The following SND1 variants were observed in gnomAD, a reference collection of about 807,000 sequenced individuals.
SND1 encodes the protein staphylococcal nuclease domain-containing protein 1.
Under a neutral mutation model 121.7 loss-of-function variants are expected in SND1, and 38 were observed. The ratio of observed to expected loss-of-function variants is 0.31; its 90% CI spans 0.24 to 0.41. The LOEUF (loss-of-function observed/expected upper bound fraction) is 0.41, where lower values mean the gene tolerates loss of function less well. SND1 is among the 10% of genes least tolerant of loss of function. The probability of loss-of-function intolerance (pLI) is 1.00; values close to 1 mark genes in which losing one functional copy is unlikely to be tolerated. For synonymous variants in SND1, 401 were observed against 447.4 expected (o/e 0.90, Z 1.31); for missense variants, 868 against 1,184.6 (o/e 0.73, Z 3.92).
At chr7:128,080,070 G>A (rs1043723925) in intron 17 of SND1, among the ~76,000 whole-genome samples, 6 of 152,234 alleles carry the variant, frequency 3.9e-5, no homozygotes, top group Non-Finnish European at 4.4e-5. Context: ...GTTGTTGTAA[G>A]GACTAAATGA....
Position 127,729,144 on chromosome 7 carries a change from T to C in SND1, c.1152+7744T>C, listed in dbSNP as rs909638342. Among the ~76,000 whole-genome samples the C allele has an allele frequency of 3.3e-5, 5 of 152,310 alleles. No homozygotes were observed. The South Asian group carries it at 1.0e-3, about 32-fold the overall frequency. ...GGGTTAATTTCAGGATTTTAAGTGCTTTTGAAGATTGGTCCCCAATTGACT... is the reference window on the plus strand; with the variant it reads ...GGGTTAATTTCAGGATTTTAAGTGCCTTTGAAGATTGGTCCCCAATTGACT... On this transcript the variant is annotated intron_variant, in intron 10 of 23. Transcript: ENST00000354725.
chr7:128,091,511 A>G (rs1219566623), intron 22 of SND1, among the ~76,000 whole-genome samples: 1 of 151,964 alleles, frequency 6.6e-6, no homozygotes, highest in Non-Finnish European at 1.5e-5. Flanking sequence ...CACCTGGCCT[A>G]GGTTGTAATT....
chr7:127,875,515 G>T (rs1455200446), intron 12 of SND1, among the ~76,000 whole-genome samples: 2 of 152,258 alleles, frequency 1.3e-5, no homozygotes, highest in East Asian at 3.9e-4. Context: ...GTAGATTGTA[G>T]AATACCTTTA....
intron 10 of SND1, among the ~76,000 whole-genome samples, chr7:127,735,179 T>A (rs1336807418): frequency 1.3e-5 from 2 of 152,072 alleles, no homozygotes; most frequent in Admixed American, 6.6e-5. Flanking sequence ...GGAACCAGGA[T>A]TCGAATTGCC....
Position 127,761,024 on chromosome 7 carries a change from G to C in SND1, c.1152+39624G>C, listed in dbSNP as rs1224803784. On this transcript the variant is annotated intron_variant, in intron 10 of 23. Coordinates refer to ENST00000354725, the MANE Select transcript of SND1 (RefSeq NM_014390.4). ...AGATTTCAGAAATAGATTTCAAGTG[G>C]TATATTGCTCTCCATATATACCTTA... is the stretch of plus-strand genomic sequence containing the variant. 2.0e-5 allele frequency among the ~76,000 whole-genome samples: 3 copies of C among 152,180 alleles called. No individual in the cohort carries two copies. The East Asian group carries it at 5.8e-4, about 29-fold the overall frequency.
At chr7:127,675,710 A>T (rs778340290) in intron 1 of SND1, among the ~76,000 whole-genome samples, 1 of 152,056 alleles carries the variant, frequency 6.6e-6, no homozygotes, top group Non-Finnish European at 1.5e-5. Flanking sequence ...TATGTCCTGG[A>T]GTCAGTTAAT....
intron 16 of SND1, among the ~76,000 whole-genome samples, chr7:128,020,749 G>A (rs181296048): frequency 1.3e-5 from 2 of 152,190 alleles, no homozygotes; most frequent in Admixed American, 1.3e-4. Flanking sequence ...TAAGGAAAGG[G>A]AAAGCCTCCA....
At chr7:127,830,256 G>A (rs540952541) in intron 11 of SND1, among the ~76,000 whole-genome samples, 15 of 152,130 alleles carry the variant, frequency 9.9e-5, no homozygotes, top group Admixed American at 2.6e-4. Flanking sequence ...GGTGGTGGGC[G>A]CCTGTAGTCC....
intron 16 of SND1, chr7:128,031,736 G>T (rs1354175733): frequency 3.5e-5 from 5 of 144,156 alleles, no homozygotes; most frequent in Non-Finnish European, 6.1e-5. Context: ...CGCGGGTCCG[G>T]CGGCGGCGGC....
intron 10 of SND1, among the ~76,000 whole-genome samples, chr7:127,740,974 G>A (rs1796871716): frequency 6.6e-6 from 1 of 152,174 alleles, no homozygotes; most frequent in Non-Finnish European, 1.5e-5. Flanking sequence ...TAATAAAGAT[G>A]TCATAGCCAC....
intron 16 of SND1, chr7:128,028,174 T>G (rs981755190): frequency 6.5e-6 from 1 of 153,066 alleles, no homozygotes; most frequent in Non-Finnish European, 1.5e-5. Context: ...TACAAATTCA[T>G]GGTGCTTTTT....
At chr7:127,677,326 T>A (rs1795633494) in intron 1 of SND1, among the ~76,000 whole-genome samples, 1 of 152,242 alleles carries the variant, frequency 6.6e-6, no homozygotes. Context: ...AAATGGAGGC[T>A]AATGGAGCCA....
At position 128,081,455 on chromosome 7, in the gene SND1, T is replaced by C. The variant is rs322825; in HGVS notation, c.2064T>C (p.Thr688=). 0.65 allele frequency: 1,053,154 copies of C among 1,613,430 alleles called. 350,634 individuals carry two copies. The highest frequency in any genetic ancestry group is 0.92 in the African/African-American group (69,053 of 75,038). ...RSASYKPVFV[T]EITDDLHFYV... is the part of the protein sequence containing the mutation. The stretch of plus-strand genomic sequence containing the variant: ...CTAGCTACAAGCCCGTGTTTGTGAC[T>C]GAGATCACTGATGACCTGCACTTCT... Residue 688 remains threonine, a synonymous_variant, in exon 18 of 24, where the codon ACT becomes ACC. Transcript: ENST00000354725.
rs1328921443 is a variant in SND1, at chr7:128,065,106, G to A, written c.1780-9396G>A. On this transcript the variant is annotated intron_variant, in intron 16 of 23. Coordinates refer to ENST00000354725, the MANE Select transcript of SND1 (RefSeq NM_014390.4). ...GCTAAGATGGGCAAGATGTTTGCAG[G>A]TGAAGAGTTAGATGCCGGTGAAAAA... is the stretch of plus-strand genomic sequence containing the variant. Among the ~76,000 whole-genome samples the A allele has an allele frequency of 2.0e-5, 3 of 152,372 alleles. No homozygotes were observed. In the South Asian group the frequency reaches 6.2e-4, roughly 32 times the overall value.
chr7:127,902,943 G>T (rs576288518), intron 13 of SND1, among the ~76,000 whole-genome samples: 1 of 151,570 alleles, frequency 6.6e-6, no homozygotes, highest in Admixed American at 6.6e-5. Flanking sequence ...GTGCAGTTGC[G>T]CAATCTTGGC....
intron 15 of SND1, among the ~76,000 whole-genome samples, chr7:127,954,343 T>G (rs986644048): frequency 6.6e-6 from 1 of 152,176 alleles, no homozygotes; most frequent in African/African-American, 2.4e-5. Context: ...TCTATAAACC[T>G]CATTACTGCA....
At chr7:128,081,924 G>C in intron 18 of SND1, 1 of 536,026 alleles carries the variant, frequency 1.9e-6, no homozygotes, top group Non-Finnish European at 3.8e-6. Context: ...GGGGAGCAAG[G>C]AGTGGTGCTG....
At chr7:127,758,039 C>T (rs1348789239) in intron 10 of SND1, among the ~76,000 whole-genome samples, 1 of 152,202 alleles carries the variant, frequency 6.6e-6, no homozygotes, top group Non-Finnish European at 1.5e-5. Flanking sequence ...TCCTGACTCT[C>T]AGAGGAATAC....
chr7:127,968,847 A>C (rs928040264), intron 15 of SND1, among the ~76,000 whole-genome samples: 1 of 152,190 alleles, frequency 6.6e-6, no homozygotes, highest in African/African-American at 2.4e-5. Flanking sequence ...CTGGCAGGGC[A>C]CATATAGTTT....
Sources: gnomAD v4.1 joint callset for allele counts (sites outside exome capture counted in the v4.1 genomes callset) on GRCh38, gnomAD v4.1.1 for gene constraint, MANE v1.5 for transcripts, NCBI Gene and HGNC (gene_info 2026-07-23, HGNC 2026-07-21) for gene names.